NCR3LG1: variants seen among roughly 807,000 people sequenced by gnomAD.
NCR3LG1 encodes natural cytotoxicity triggering receptor 3 ligand 1.
NCR3LG1 carries 35 observed loss-of-function variants against 34.8 expected under a neutral mutation model. That is an observed-to-expected ratio of 1.01 (90% CI 0.77 to 1.33). The LOEUF is 1.33. Ranked by LOEUF, NCR3LG1 falls within the 40% of genes most tolerant of loss-of-function variation. The pLI, the probability that NCR3LG1 is intolerant of heterozygous loss-of-function variation, is 0.00. For synonymous variants in NCR3LG1, 173 were observed against 163.6 expected, an observed-to-expected ratio of 1.06 and a Z score of -0.44; for missense variants, 452 against 423.3, an observed-to-expected ratio of 1.07 and a Z score of -0.60.
At position 17,353,834 on chromosome 11, in the gene NCR3LG1, C is replaced by G. The variant is rs879169110; in HGVS notation, c.70+1795C>G. On this transcript the variant is annotated intron_variant, in intron 1 of 4. Transcript: ENST00000338965. ...AGGCGTTGGTGCTGGACTTTGGCAC[C>G]GGAAGAGACTGTGAAATGGAAAACC... Among the ~76,000 whole-genome samples, 4 of 152,322 alleles carry G rather than the reference C, an allele frequency of 2.6e-5. No individual in the cohort carries two copies. In the South Asian group the frequency reaches 8.3e-4, roughly 32 times the overall value.
rs1018812946 is a variant in NCR3LG1 at position 17,375,980 on chromosome 11, C to A, written c.*3468C>A. Reference sequence around the variant, plus strand: ...AGATTCTTAAAATCCTCCACTGAGCCTTTCACTTAGGAAAGCATAAGACAT... The same window carrying A: ...AGATTCTTAAAATCCTCCACTGAGCATTTCACTTAGGAAAGCATAAGACAT... On this transcript the variant is annotated 3_prime_UTR_variant, in exon 5 of 5. Coordinates refer to ENST00000338965, the MANE Select transcript of NCR3LG1 (RefSeq NM_001202439.3). The A allele has an allele frequency of 2.6e-5, 4 of 152,218 alleles. No homozygotes were observed. The highest frequency in any genetic ancestry group is 9.6e-5 in the African/African-American group (4 of 41,456). 9.4% of individuals were successfully genotyped at this position (152,218 alleles called of 1,614,324 possible). A position where few individuals can be genotyped will look rare whatever the true frequency, so the allele number is the denominator to read the frequency against.
Position 17,373,415 on chromosome 11 carries a change from A to C in NCR3LG1, c.*903A>C, listed in dbSNP as rs1247278176. On this transcript the variant is annotated 3_prime_UTR_variant, in exon 5 of 5. Transcript: ENST00000338965. ...GCCACCTCAACCCTGTCCAGTATAC[A>C]ATGGGGACCACTGGAAGGCAGACTG... 1.3e-5 allele frequency: 2 copies of C among 152,158 alleles called. No individual in the cohort carries two copies. The highest frequency in any genetic ancestry group is 4.8e-5 in the African/African-American group (2 of 41,362). 9.4% of individuals were successfully genotyped at this position (152,158 alleles called of 1,614,324 possible).
chr11:17,368,691 G>A (rs1953374503), intron 3 of NCR3LG1, among the ~76,000 whole-genome samples, 176 bp from the exon 4 acceptor site: 1 of 152,196 alleles, frequency 6.6e-6, no homozygotes, highest in Admixed American at 6.5e-5. Flanking sequence ...TACACTGTTT[G>A]ATGTATGGAG....
chr11:17,366,643 G>T (rs76707919), intron 2 of NCR3LG1, among the ~76,000 whole-genome samples: 14 of 152,148 alleles, frequency 9.2e-5, no homozygotes, highest in Admixed American at 4.6e-4. Flanking sequence ...TGAGAGTTGT[G>T]GTCACAGCAT....
rs1236663995 is a variant in NCR3LG1 at position 17,362,273 on chromosome 11, C to G, written c.422-4736C>G. On this transcript the variant is annotated intron_variant, in intron 2 of 4. Transcript: ENST00000338965. ...CTGTTGATATGATGACTTACATTAACCAATTTTTGAATGATAAGCCAGCCT... is the reference window on the plus strand; with the variant it reads ...CTGTTGATATGATGACTTACATTAAGCAATTTTTGAATGATAAGCCAGCCT... 2.0e-5 allele frequency among the ~76,000 whole-genome samples: 3 copies of G among 152,098 alleles called. No homozygotes were observed. The East Asian group carries it at 5.8e-4, about 29-fold the overall frequency.
intron 3 of NCR3LG1, 118 bp downstream of exon 3, chr11:17,367,465 G>A: frequency 1.1e-6 from 1 of 874,838 alleles, no homozygotes; most frequent in Non-Finnish European, 1.7e-6. Context: ...AGAAAGCTTG[G>A]ACTGGAAGGA....
In NCR3LG1 at chr11:17,364,002, G is replaced by T. The variant is rs191379115; in HGVS notation, c.422-3007G>T. Among the ~76,000 whole-genome samples the T allele has an allele frequency of 2.9e-3, 434 of 152,046 alleles. 4 individuals are homozygous for T. Among genetic ancestry groups the T allele is most frequent in the African/African-American group, 0.01 (415 of 41,478 alleles). On this transcript the variant is annotated intron_variant, in intron 2 of 4. Coordinates refer to ENST00000338965, the MANE Select transcript of NCR3LG1 (RefSeq NM_001202439.3). ...TCTAAGCTTCCTGGGTCTTTAGTTT[G>T]GTGTCTATCATTAATTTTGGAAAAT...
rs1953450542 is a variant in NCR3LG1, at chr11:17,374,380, A to G, written c.*1868A>G. The G allele has an allele frequency of 1.3e-5, 2 of 152,102 alleles. No individual in the cohort carries two copies. The highest frequency in any genetic ancestry group is 2.4e-5 in the African/African-American group (1 of 41,412). The allele number at this position is 152,102 out of a possible 1,614,324, so 9.4% of individuals were successfully genotyped here. A position where few individuals can be genotyped will look rare whatever the true frequency, so the allele number is the denominator to read the frequency against. ...AGGGATTTAGAGATAGCCCCCACCT[A>G]TTTGGGCAAGTATTGTCAAGAGATC... is the stretch of plus-strand genomic sequence containing the variant. On this transcript the variant is annotated 3_prime_UTR_variant, in exon 5 of 5. Coordinates refer to ENST00000338965, the MANE Select transcript of NCR3LG1 (RefSeq NM_001202439.3).
intron 1 of NCR3LG1, among the ~76,000 whole-genome samples, chr11:17,352,651 G>A (rs1053526339): frequency 6.6e-6 from 1 of 152,140 alleles, no homozygotes; most frequent in African/African-American, 2.4e-5. Context: ...CATCATCCGA[G>A]GGGCCGGAGG....
intron 2 of NCR3LG1, among the ~76,000 whole-genome samples, chr11:17,362,176 A>G (rs887495898): frequency 2.0e-5 from 3 of 152,212 alleles, no homozygotes; most frequent in Non-Finnish European, 2.9e-5. Context: ...AGTTTTTCAT[A>G]TGAATCAGTC....
At chr11:17,366,048 TTATTATAGG>T (rs1417476339) in intron 2 of NCR3LG1, among the ~76,000 whole-genome samples, 1 of 152,230 alleles carries the variant, frequency 6.6e-6, no homozygotes, top group Non-Finnish European at 1.5e-5. Context: ...GCTTTTGTTC[TTATTATAGG>T]GTGGGAGTGA....
At chr11:17,370,919 A>C (rs1039603227) in intron 4 of NCR3LG1, among the ~76,000 whole-genome samples, 2 of 152,228 alleles carry the variant, frequency 1.3e-5, no homozygotes, top group African/African-American at 4.8e-5. Flanking sequence ...CTTAGTAACG[A>C]GGAATGTAAC....
At position 17,367,297 on chromosome 11, in the gene NCR3LG1, C is replaced by A; in HGVS notation, c.710C>A (p.Thr237Asn). The change falls in exon 3 of 5, where the codon ACC (threonine) becomes AAC (asparagine). Residue 237 changes from threonine (T) to asparagine (N), a missense_variant. Transcript: ENST00000338965. ...GTGGTACGGCATGCGTCCTTGCATA[C>A]CCCCTTGAGGAGCAACTTTACCCTG... The part of the protein sequence containing the change: ...QCVVRHASLH[T>N]PLRSNFTLTA... 2.0e-6 allele frequency: 3 copies of A among 1,536,086 alleles called. No homozygotes were observed. The highest frequency in any genetic ancestry group is 2.6e-6 in the Non-Finnish European group (3 of 1,146,856).
Position 17,366,643 on chromosome 11 carries a change from G to A in NCR3LG1, c.422-366G>A, listed in dbSNP as rs76707919. 8.7e-3 allele frequency among the ~76,000 whole-genome samples: 1,329 copies of A among 152,264 alleles called. 23 individuals carry two copies. Among genetic ancestry groups the A allele is most frequent in the African/African-American group, 0.031 (1,286 of 41,558 alleles). On this transcript the variant is annotated intron_variant, in intron 2 of 4. Coordinates refer to ENST00000338965, the MANE Select transcript of NCR3LG1 (RefSeq NM_001202439.3). ...TTTACAAAATTGCTGTGAGAGTTGT[G>A]GTCACAGCATGTCAGTACCCGGTTG...
At chr11:17,381,052 G>C (rs1021908800), downstream of NCR3LG1, 2 of 152,176 alleles carry the variant, frequency 1.3e-5, no homozygotes, top group African/African-American at 4.8e-5. Flanking sequence ...TGTAGCCTGA[G>C]GCTCATCTTA....
downstream of NCR3LG1, among the ~76,000 whole-genome samples, chr11:17,377,619 A>G (rs1953489776): frequency 1.3e-5 from 2 of 152,260 alleles, no homozygotes; most frequent in South Asian, 4.1e-4. Context: ...TTCCTATTAC[A>G]TGCAGGAGGG....
rs1424207345 is a variant in NCR3LG1 at position 17,373,515 on chromosome 11, T to C, written c.*1003T>C. On this transcript the variant is annotated 3_prime_UTR_variant, in exon 5 of 5. Coordinates refer to ENST00000338965, the MANE Select transcript of NCR3LG1 (RefSeq NM_001202439.3). ...CAGCAGGACTGATGGGTCCTGGGGCTCAACTCCCTGGCTCCAGTGGCTCAG... is the reference window on the plus strand; with the variant it reads ...CAGCAGGACTGATGGGTCCTGGGGCCCAACTCCCTGGCTCCAGTGGCTCAG... 1 of 152,216 alleles carries C rather than the reference T, an allele frequency of 6.6e-6. No individual in the cohort carries two copies. The highest frequency in any genetic ancestry group is 1.5e-5 in the Non-Finnish European group (1 of 68,066). The allele number at this position is 152,216 out of a possible 1,614,324, so 9.4% of individuals were successfully genotyped here.
chr11:17,356,593 T>C, intron 1 of NCR3LG1, 58 bp from the exon 2 acceptor site: 1 of 1,267,510 alleles, frequency 7.9e-7, no homozygotes, highest in Non-Finnish European at 1.1e-6. Flanking sequence ...CCATAGCACA[T>C]CTCAAAAAGA....
intron 2 of NCR3LG1, among the ~76,000 whole-genome samples, chr11:17,365,175 T>G (rs1953330888): frequency 1.3e-5 from 2 of 152,350 alleles, no homozygotes; most frequent in South Asian, 4.1e-4. Flanking sequence ...AATAGGCTTT[T>G]ATTATGCGGC....
Sources: allele counts gnomAD v4.1 joint callset (sites outside exome capture counted in the v4.1 genomes callset), GRCh38; gene constraint gnomAD v4.1.1; transcripts MANE v1.5; gene names NCBI Gene and HGNC (gene_info 2026-07-23, HGNC 2026-07-21).